PCDHA11: variants seen among roughly 807,000 people sequenced by gnomAD.
PCDHA11 encodes the protein protocadherin alpha 11, also known as protocadherin alpha-11.
PCDHA11 carries 61 observed loss-of-function variants against 70.3 expected under a neutral mutation model. That is an observed-to-expected ratio of 0.87 (90% CI 0.71 to 1.07). PCDHA11 has a LOEUF of 1.07. Ranked by LOEUF, PCDHA11 falls within the 50% of genes least tolerant of loss-of-function variation. The probability of loss-of-function intolerance (pLI) is 0.00; values close to 1 mark genes in which losing one functional copy is unlikely to be tolerated. For missense variants in PCDHA11, 1,324 were observed against 1,237.5 expected, an observed-to-expected ratio of 1.07 and a Z score of -1.05; for synonymous variants, 633 against 555.1, an observed-to-expected ratio of 1.14 and a Z score of -1.97.
At chr5:141,007,149 T>G (rs980574316) in intron 3 of PCDHA11, among the ~76,000 whole-genome samples, 12 of 152,084 alleles carry the variant, frequency 7.9e-5, no homozygotes, top group African/African-American at 2.9e-4. Context: ...CAAAGGAAAC[T>G]GTCAAAGAAC....
chr5:140,969,095 C>T, intron 1 of PCDHA11: 1 of 1,614,168 alleles, frequency 6.2e-7, no homozygotes, highest in East Asian at 2.2e-5. Flanking sequence ...AGTGCAGCCT[C>T]ACTTCATTGA....
At chr5:140,921,428 T>G (rs1291283426) in intron 1 of PCDHA11, among the ~76,000 whole-genome samples, 1 of 152,190 alleles carries the variant, frequency 6.6e-6, no homozygotes, top group Non-Finnish European at 1.5e-5. Context: ...GACAAAAATT[T>G]TCTTCAATGG....
At chr5:140,968,818 T>C in intron 1 of PCDHA11, 1 of 1,614,188 alleles carries the variant, frequency 6.2e-7, no homozygotes, top group South Asian at 1.1e-5. Flanking sequence ...TGGATAGGGT[T>C]TCCAAAATCC....
In PCDHA11 at chr5:141,010,844, A is replaced by T. The variant is rs1286149629; in HGVS notation, c.*907A>T. ...TGTTTGTTGTTTCATAGATTTATTT[A>T]AAAAAAGAGAAAGTCTATAGCTATA... On this transcript the variant is annotated 3_prime_UTR_variant, in exon 4 of 4. Coordinates refer to ENST00000398640, the MANE Select transcript of PCDHA11 (RefSeq NM_018902.5). The T allele has an allele frequency of 1.3e-5, 2 of 153,756 alleles. No homozygotes were observed. The highest frequency in any genetic ancestry group is 2.9e-5 in the Non-Finnish European group (2 of 68,056). 9.5% of individuals were successfully genotyped at this position (153,756 alleles called of 1,614,324 possible).
At chr5:140,881,340 C>T (rs782406068) in intron 1 of PCDHA11, 10 of 984,934 alleles carry the variant, frequency 1.0e-5, no homozygotes, top group African/African-American at 5.2e-5. Context: ...GACGCCGATT[C>T]GGGCTACAAT....
intron 1 of PCDHA11, among the ~76,000 whole-genome samples, chr5:140,916,423 G>A (rs915446945): frequency 6.6e-6 from 1 of 152,174 alleles, no homozygotes; most frequent in Non-Finnish European, 1.5e-5. Context: ...GCACATCTCA[G>A]AACCTAAGGC....
intron 1 of PCDHA11, among the ~76,000 whole-genome samples, chr5:140,947,863 G>A (rs1438094304): frequency 6.6e-6 from 1 of 151,230 alleles, no homozygotes; most frequent in Non-Finnish European, 1.5e-5. Flanking sequence ...CATTATAATG[G>A]CTAGGACTTC....
At chr5:140,998,055 T>C (rs2097794971) in intron 3 of PCDHA11, among the ~76,000 whole-genome samples, 1 of 152,190 alleles carries the variant, frequency 6.6e-6, no homozygotes, top group Non-Finnish European at 1.5e-5. Flanking sequence ...AGTGACATCA[T>C]CATCAACAGA....
At chr5:141,009,205 A>G (rs1325707221) in intron 3 of PCDHA11, among the ~76,000 whole-genome samples, 8 of 152,192 alleles carry the variant, frequency 5.3e-5, no homozygotes, top group Non-Finnish European at 1.2e-4. Flanking sequence ...CTATGATTCC[A>G]ACACTTTGGG....
chr5:140,921,030 G>C (rs1266143728), intron 1 of PCDHA11, among the ~76,000 whole-genome samples: 2 of 151,532 alleles, frequency 1.3e-5, no homozygotes, highest in Admixed American at 6.6e-5. Context: ...TCTAGACTGG[G>C]GTGCAGTGGG....
At chr5:140,894,469 C>T (rs183471525) in intron 1 of PCDHA11, among the ~76,000 whole-genome samples, 8 of 151,852 alleles carry the variant, frequency 5.3e-5, no homozygotes, top group Admixed American at 5.2e-4. Context: ...ACTTTTTATT[C>T]TTGTTTTCAT....
chr5:140,966,926 C>T (rs782811757), intron 1 of PCDHA11: 22 of 1,603,344 alleles, frequency 1.4e-5, no homozygotes, highest in Middle Eastern at 1.6e-4. Context: ...GGAGCAGGCA[C>T]CCGGCGCGCT....
intron 1 of PCDHA11, among the ~76,000 whole-genome samples, chr5:140,940,028 G>C (rs782276273): frequency 3.2e-4 from 48 of 152,048 alleles, no homozygotes; most frequent in Non-Finnish European, 5.4e-4. Context: ...ATGTTTTAAG[G>C]CTATTTTATT....
intron 1 of PCDHA11, among the ~76,000 whole-genome samples, chr5:140,965,073 TCTGA>T (rs1372324599): frequency 1.3e-5 from 2 of 152,186 alleles, no homozygotes; most frequent in African/African-American, 4.8e-5. Context: ...CAGGTCTCAC[TCTGA>T]CTTTGTTCCA....
chr5:140,902,114 A>G (rs2069112413), intron 1 of PCDHA11, among the ~76,000 whole-genome samples: 1 of 151,286 alleles, frequency 6.6e-6, no homozygotes. Flanking sequence ...TTTTTTTAAA[A>G]CTGAGATTAT....
At chr5:140,955,480 C>T (rs940139413) in intron 1 of PCDHA11, among the ~76,000 whole-genome samples, 3 of 152,088 alleles carry the variant, frequency 2.0e-5, no homozygotes, top group African/African-American at 7.2e-5. Flanking sequence ...GGCACCTCTC[C>T]TTCCTGCCAC....
intron 1 of PCDHA11, among the ~76,000 whole-genome samples, chr5:140,949,245 A>G (rs782212374): frequency 2.4e-4 from 37 of 151,798 alleles, no homozygotes; most frequent in Non-Finnish European, 4.3e-4. Context: ...GCAACAGTCT[A>G]TCTTGATGAA....
At chr5:140,877,594 T>G (rs782719581) in intron 1 of PCDHA11, 110 of 1,613,680 alleles carry the variant, frequency 6.8e-5, no homozygotes, top group Non-Finnish European at 9.3e-5. Context: ...CTGTGCGGTG[T>G]CCAGCCTGCT....
intron 1 of PCDHA11, chr5:140,875,824 C>T (rs1554167977): frequency 7.4e-6 from 12 of 1,614,156 alleles, no homozygotes; most frequent in East Asian, 2.2e-5. Context: ...GCAGGTTTTC[C>T]ATGTGGACGT....
Sources: allele counts gnomAD v4.1 joint callset (sites outside exome capture counted in the v4.1 genomes callset), GRCh38; gene constraint gnomAD v4.1.1; transcripts MANE v1.5; gene names NCBI Gene and HGNC (gene_info 2026-07-23, HGNC 2026-07-21).